Variants in ANXA4 observed in about 807,000 individuals in gnomAD.
ANXA4 encodes annexin A4.
Under a neutral mutation model 49.8 loss-of-function variants are expected in ANXA4, and 39 were observed. The ratio of observed to expected loss-of-function variants is 0.78; its 90% CI spans 0.61 to 1.02. The LOEUF (loss-of-function observed/expected upper bound fraction) is 1.02. Among genes scored for constraint, ANXA4 ranks in the 50% least tolerant of loss-of-function variants. The pLI is 0.00. For synonymous variants in ANXA4, 134 were observed against 152.5 expected, an observed-to-expected ratio of 0.88 and a Z score of 0.89; for missense variants, 360 against 410.1, an observed-to-expected ratio of 0.88 and a Z score of 1.05.
chr2:69,779,361 A>C (rs1362764129), intron 1 of ANXA4, among the ~76,000 whole-genome samples: 1 of 152,176 alleles, frequency 6.6e-6, no homozygotes, highest in African/African-American at 2.4e-5. Context: ...TATCCACTGC[A>C]TTATCTCTAT....
At chr2:69,793,671 G>A (rs1361245426) in intron 3 of ANXA4, among the ~76,000 whole-genome samples, 2 of 152,136 alleles carry the variant, frequency 1.3e-5, no homozygotes, top group Non-Finnish European at 2.9e-5. Flanking sequence ...ATAGCCAGAA[G>A]ACAAAGACGA....
intron 8 of ANXA4, chr2:69,815,765 C>A: frequency 4.3e-6 from 1 of 233,012 alleles, no homozygotes; most frequent in Non-Finnish European, 8.5e-6. Context: ...TATTTAATTT[C>A]AATTAACATT....
intron 1 of ANXA4, among the ~76,000 whole-genome samples, chr2:69,763,301 A>G (rs1399583060): frequency 6.6e-6 from 1 of 152,242 alleles, no homozygotes. Context: ...GAGACTTTGA[A>G]GAGAGCAGTG....
intron 1 of ANXA4, among the ~76,000 whole-genome samples, chr2:69,742,796 C>G (rs1670454321): frequency 6.6e-6 from 1 of 152,122 alleles, no homozygotes; most frequent in African/African-American, 2.4e-5. Flanking sequence ...CATTTACCGG[C>G]AGAAGTGACC....
intron 2 of ANXA4, among the ~76,000 whole-genome samples, chr2:69,663,232 G>A (rs1676793546): frequency 7.3e-6 from 1 of 136,464 alleles, no homozygotes; most frequent in Non-Finnish European, 1.5e-5. Flanking sequence ...CTGACCTCAT[G>A]ATCCTCCCGT....
chr2:69,719,448 A>T (rs541781819), intron 2 of ANXA4, among the ~76,000 whole-genome samples: 40 of 146,378 alleles, frequency 2.7e-4, no homozygotes, highest in African/African-American at 6.5e-4. Flanking sequence ...AATTATTATT[A>T]TTTTTTTTTG....
intron 1 of ANXA4, among the ~76,000 whole-genome samples, chr2:69,761,486 G>A (rs1488262212): frequency 6.6e-6 from 1 of 151,180 alleles, no homozygotes; most frequent in Non-Finnish European, 1.5e-5. Flanking sequence ...GAAGTGAAAA[G>A]GCTCTCGCTT....
intron 1 of ANXA4, among the ~76,000 whole-genome samples, chr2:69,761,002 AT>A (rs201256942): frequency 2.7e-5 from 4 of 150,630 alleles, no homozygotes; most frequent in Admixed American, 6.6e-5. Flanking sequence ...TCTCTATTAA[AT>A]TAATTAATTA....
intron 1 of ANXA4, among the ~76,000 whole-genome samples, chr2:69,765,717 T>C (rs1044945833): frequency 6.6e-6 from 1 of 152,164 alleles, no homozygotes; most frequent in African/African-American, 2.4e-5. Context: ...AACCCTAGTC[T>C]AAAATCAATT....
At chr2:69,656,811 A>G (rs1349604037) in intron 2 of ANXA4, among the ~76,000 whole-genome samples, 1 of 151,894 alleles carries the variant, frequency 6.6e-6, no homozygotes, top group African/African-American at 2.4e-5. Flanking sequence ...CAGTCTCCTC[A>G]AGTGCTGAGA....
At chr2:69,720,631 C>T (rs1292677423) in intron 2 of ANXA4, 3 of 152,130 alleles carry the variant, frequency 2.0e-5, no homozygotes, top group Non-Finnish European at 4.4e-5. Context: ...CCTCTTGCTG[C>T]AATATGGGAA....
At chr2:69,685,901 T>G (rs995623469) in intron 2 of ANXA4, among the ~76,000 whole-genome samples, 1 of 152,152 alleles carries the variant, frequency 6.6e-6, no homozygotes, top group African/African-American at 2.4e-5. Context: ...GTAAATACTC[T>G]CACCTTGGCC....
At chr2:69,656,214 T>C (rs868314943) in intron 2 of ANXA4, among the ~76,000 whole-genome samples, 67 of 132,644 alleles carry the variant, frequency 5.1e-4, no homozygotes, top group African/African-American at 1.8e-3. Context: ...TACACACACA[T>C]ATATATGTAT....
exon 3 of ANXA4, chr2:69,720,864 G>A (rs1420957688): frequency 6.6e-6 from 1 of 152,226 alleles, no homozygotes; most frequent in African/African-American, 2.4e-5. Context: ...AGTACAGAGG[G>A]ACCGGAGGTA....
At chr2:69,655,050 G>A (rs909251164) in intron 2 of ANXA4, among the ~76,000 whole-genome samples, 2 of 152,134 alleles carry the variant, frequency 1.3e-5, no homozygotes, top group African/African-American at 4.8e-5. Context: ...AGACTTAAAT[G>A]TAAGACCTAA....
At chr2:69,714,677 T>C (rs781610769) in intron 2 of ANXA4, among the ~76,000 whole-genome samples, 15 of 152,208 alleles carry the variant, frequency 9.9e-5, no homozygotes, top group African/African-American at 1.9e-4. Flanking sequence ...TAATTTGTGA[T>C]GGGATGCCCT....
chr2:69,805,493 C>T (rs984142290), intron 4 of ANXA4, among the ~76,000 whole-genome samples: 1 of 151,588 alleles, frequency 6.6e-6, no homozygotes, highest in African/African-American at 2.4e-5. Context: ...GTAATCCCAG[C>T]TACTTGGGAG....
At chr2:69,759,556 A>G (rs935517599) in intron 1 of ANXA4, among the ~76,000 whole-genome samples, 6 of 152,144 alleles carry the variant, frequency 3.9e-5, no homozygotes, top group Non-Finnish European at 5.9e-5. Context: ...GAAAAATTCT[A>G]CCTCTACCTA....
At chr2:69,785,755 C>T (rs904588104) in intron 2 of ANXA4, among the ~76,000 whole-genome samples, 9 of 152,266 alleles carry the variant, frequency 5.9e-5, no homozygotes, top group African/African-American at 1.9e-4. Context: ...CACTCCAGTG[C>T]TTATGCTCCT....
Sources: allele counts gnomAD v4.1 joint callset (sites outside exome capture counted in the v4.1 genomes callset), GRCh38; gene constraint gnomAD v4.1.1; transcripts MANE v1.5; gene names NCBI Gene and HGNC (gene_info 2026-07-23, HGNC 2026-07-21).